The following FREM1 variants were observed in gnomAD, a reference collection of about 807,000 sequenced individuals.
The protein encoded by FREM1 is FRAS1 related extracellular matrix 1, also known as FRAS1-related extracellular matrix protein 1.
FREM1 carries 220 observed loss-of-function variants against 210.1 expected under a neutral mutation model. That is an observed-to-expected ratio of 1.05 (90% confidence interval 0.94 to 1.17). FREM1 has a LOEUF of 1.17. Among genes scored for constraint, FREM1 ranks in the 50% most tolerant of loss-of-function variants. FREM1 has a pLI of 0.00. For synonymous variants in FREM1, 1,189 were observed against 980.2 expected (o/e 1.21, Z -3.98); for missense variants, 3,454 against 2,675.5 (o/e 1.29, Z -6.42).
chr9:14,878,458 C>T (rs73642430), intron 1 of FREM1, among the ~76,000 whole-genome samples: 4 of 152,190 alleles, frequency 2.6e-5, no homozygotes, highest in Admixed American at 2.0e-4. Context: ...GTGGTCACAC[C>T]TAACAACCCC....
chr9:14,860,737 A>ACG (rs1829835593), intron 3 of FREM1, among the ~76,000 whole-genome samples: 1 of 117,316 alleles, frequency 8.5e-6, no homozygotes, highest in African/African-American at 3.6e-5. Flanking sequence ...ACACATATAT[A>ACG]CACATATATA....
At chr9:14,832,902 G>C (rs1217708916) in intron 10 of FREM1, among the ~76,000 whole-genome samples, 1 of 152,156 alleles carries the variant, frequency 6.6e-6, no homozygotes, top group African/African-American at 2.4e-5. Flanking sequence ...ATCTACCGAA[G>C]AAAAGGTATC....
At chr9:14,862,964 G>C (rs2131709491) in intron 3 of FREM1, among the ~76,000 whole-genome samples, 1 of 152,172 alleles carries the variant, frequency 6.6e-6, no homozygotes, top group East Asian at 1.9e-4. Flanking sequence ...TAAAACATAA[G>C]TTTTCATTTT....
At chr9:14,904,991 C>T (rs1274751240) in intron 1 of FREM1, among the ~76,000 whole-genome samples, 1 of 152,142 alleles carries the variant, frequency 6.6e-6, no homozygotes, top group South Asian at 2.1e-4. Context: ...ATCCTTCAGG[C>T]CTCAATCTCC....
intron 5 of FREM1, among the ~76,000 whole-genome samples, chr9:14,857,302 G>T (rs548539536): frequency 6.6e-6 from 1 of 152,276 alleles, no homozygotes; most frequent in South Asian, 2.1e-4. Flanking sequence ...ACTAGCCCCA[G>T]TCCTTCCCAA....
intron 10 of FREM1, among the ~76,000 whole-genome samples, chr9:14,832,661 T>G (rs1000852560): frequency 6.6e-6 from 1 of 152,110 alleles, no homozygotes; most frequent in Non-Finnish European, 1.5e-5. Flanking sequence ...TGATGTAGAG[T>G]TGAGCTAGCG....
chr9:14,901,416 T>C (rs1371718233), intron 1 of FREM1, among the ~76,000 whole-genome samples: 1 of 152,200 alleles, frequency 6.6e-6, no homozygotes. Flanking sequence ...ATACTCCTTA[T>C]AACATTCTTT....
At chr9:14,883,119 G>A (rs1369432098) in intron 1 of FREM1, among the ~76,000 whole-genome samples, 2 of 151,916 alleles carry the variant, frequency 1.3e-5, no homozygotes, top group Non-Finnish European at 2.9e-5. Flanking sequence ...GTGGCAAGGT[G>A]GCAAAATTAG....
chr9:14,823,890 C>A, intron 12 of FREM1, 135 bp downstream of exon 12: 1 of 475,048 alleles, frequency 2.1e-6, no homozygotes, highest in Non-Finnish European at 3.7e-6. Context: ...TGGAAACATA[C>A]AAGTAGCAAG....
At chr9:14,904,934 T>C (rs1393000699) in intron 1 of FREM1, among the ~76,000 whole-genome samples, 1 of 152,146 alleles carries the variant, frequency 6.6e-6, no homozygotes, top group African/African-American at 2.4e-5. Flanking sequence ...ATGAATGCCC[T>C]TCCCCACTGC....
chr9:14,859,241 CCCGAGAA>C lies in FREM1; in HGVS notation c.566_572del (p.Val189GlyfsTer22). 1 of 1,612,112 alleles carries C rather than the reference CCCGAGAA, an allele frequency of 6.2e-7. No homozygotes were observed. Among genetic ancestry groups the C allele is most frequent in the Non-Finnish European group, 8.5e-7 (1 of 1,178,580 alleles). ...CACGAGGTTCTTCTGGTCGAGGCTCCCCGAGAACCATCTGGCCATGGGCTGGCAGCCG... is the reference window on the plus strand; with the variant it reads ...CACGAGGTTCTTCTGGTCGAGGCTCCCCATCTGGCCATGGGCTGGCAGCCG... On this transcript the variant is annotated frameshift_variant, in exon 4 of 37. Coordinates refer to ENST00000380880, the MANE Select transcript of FREM1 (RefSeq NM_001379081.2). LOFTEE classifies it high-confidence loss of function.
chr9:14,802,660 T>C (rs78469246), intron 19 of FREM1, among the ~76,000 whole-genome samples: 7,957 of 152,242 alleles, frequency 0.052, 672 homozygotes, highest in African/African-American at 0.18. Flanking sequence ...CTCACGAGGA[T>C]TGAGAGAACA....
intron 20 of FREM1, among the ~76,000 whole-genome samples, chr9:14,799,831 T>C (rs924330921): frequency 1.3e-5 from 2 of 152,060 alleles, no homozygotes; most frequent in African/African-American, 4.8e-5. Flanking sequence ...AGTTTTAGGG[T>C]ACATGTGCAC....
rs186880675 is a variant in FREM1 at position 14,784,597 on chromosome 9, A to C, written c.4215T>G (p.Ser1405=). 4 of 1,602,832 alleles carry C rather than the reference A, an allele frequency of 2.5e-6. No homozygotes were observed. The East Asian group carries it at 9.0e-5, about 36-fold the overall frequency. Residue 1405 remains serine (S), a synonymous_variant, in exon 24 of 37, where the codon TCT becomes TCG. Coordinates refer to ENST00000380880, the MANE Select transcript of FREM1 (RefSeq NM_001379081.2). ...TTGTTAAGAAACCTCTATCACCTTT[A>C]GACACCACGAGTGGTTTTGTAAGGA... ...IVILTKPLVV[S]KGDRGFLTTT...
intron 1 of FREM1, among the ~76,000 whole-genome samples, chr9:14,902,206 G>C (rs970767676): frequency 5.3e-5 from 8 of 152,154 alleles, no homozygotes; most frequent in African/African-American, 1.9e-4. Flanking sequence ...AGCTCTTAAA[G>C]TCTTAATGCC....
Position 14,808,174 on chromosome 9 carries a change from A to C in FREM1, c.2894-40T>G, listed in dbSNP as rs776435560. On this transcript the variant is annotated intron_variant, in intron 16 of 36. Coordinates refer to ENST00000380880, the MANE Select transcript of FREM1 (RefSeq NM_001379081.2). The stretch of plus-strand genomic sequence containing the variant: ...TATAGCTGAAACCTGCCTTTTAAAA[A>C]ATATAGAATACCAAGATGAAATCTA... 20 of 1,344,412 alleles carry C rather than the reference A, an allele frequency of 1.5e-5. No individual in the cohort carries two copies. In the East Asian group the frequency reaches 4.3e-4, roughly 29 times the overall value. The allele number at this position is 1,344,412 out of a possible 1,614,324, so 83.3% of individuals were successfully genotyped here.
chr9:14,744,265 TATA>T (rs1842045938), intron 35 of FREM1, among the ~76,000 whole-genome samples: 1 of 152,048 alleles, frequency 6.6e-6, no homozygotes, highest in Non-Finnish European at 1.5e-5. Context: ...ATAATTTACA[TATA>T]ATAAAATGAA....
chr9:14,875,521 T>C (rs1488080729), intron 1 of FREM1, among the ~76,000 whole-genome samples: 3 of 152,234 alleles, frequency 2.0e-5, no homozygotes, highest in African/African-American at 7.2e-5. Context: ...GGCTTTCAGC[T>C]CCATCAGTGC....
chr9:14,769,003 G>T lies in FREM1; in HGVS notation c.5204+721C>A, dbSNP rs183783658. ...AAACAGCACAGTACCAGAATAACTG[G>T]ACTCTGACCGACCTTTCTATGACTA... On this transcript the variant is annotated intron_variant, in intron 27 of 36. Coordinates refer to ENST00000380880, the MANE Select transcript of FREM1 (RefSeq NM_001379081.2). 2.2e-3 allele frequency among the ~76,000 whole-genome samples: 341 copies of T among 152,206 alleles called. 1 individual carries two copies. Among genetic ancestry groups the T allele is most frequent in the Admixed American group, 3.9e-3 (60 of 15,294 alleles).
Sources: gnomAD v4.1 joint callset for allele counts (sites outside exome capture counted in the v4.1 genomes callset) on GRCh38, gnomAD v4.1.1 for gene constraint, MANE v1.5 for transcripts, NCBI Gene and HGNC (gene_info 2026-07-23, HGNC 2026-07-21) for gene names.